Variants in PTPRD observed in about 807,000 individuals in gnomAD.
The protein encoded by PTPRD is protein tyrosine phosphatase receptor type D.
In PTPRD, 34 loss-of-function variants were observed where a neutral mutation model predicts 214.5. The ratio of observed to expected loss-of-function variants is 0.16; its 90% confidence interval spans 0.12 to 0.21. The LOEUF (loss-of-function observed/expected upper bound fraction) is 0.21. Among genes scored for constraint, PTPRD ranks in the 10% least tolerant of loss-of-function variants. PTPRD has a pLI of 1.00. For missense variants in PTPRD, 2,545 were observed against 2,398.7 expected, an observed-to-expected ratio of 1.06 and a Z score of -1.27; for synonymous variants, 1,128 against 845.7, an observed-to-expected ratio of 1.33 and a Z score of -5.79.
rs115335333 is a variant in PTPRD, at chr9:9,569,035, T to G, written c.-237+5697A>C. ...CACTGGGGAAAGTCAGTTGAGAAAA[T>G]GCACTATGCCCACTTTCTCATTTTG... On this transcript the variant is annotated intron_variant, in intron 8 of 45. Coordinates refer to ENST00000381196, the MANE Select transcript of PTPRD (RefSeq NM_002839.4). Among the ~76,000 whole-genome samples the G allele has an allele frequency of 8.1e-3, 1,224 of 151,808 alleles. 14 individuals are homozygous for G. The highest frequency in any genetic ancestry group is 0.028 in the African/African-American group (1,173 of 41,464).
intron 2 of PTPRD, among the ~76,000 whole-genome samples, chr9:10,364,428 G>T (rs2097472361): frequency 6.6e-6 from 1 of 152,038 alleles, no homozygotes; most frequent in Admixed American, 6.6e-5. Flanking sequence ...TAACAGCCCT[G>T]ACTTCACCAC....
chr9:8,380,446 A>C (rs2084676620), intron 37 of PTPRD, among the ~76,000 whole-genome samples: 1 of 152,206 alleles, frequency 6.6e-6, no homozygotes, highest in Non-Finnish European at 1.5e-5. Context: ...AACATCACCC[A>C]GTAACTTTAC....
chr9:10,548,545 C>T (rs2060635641), intron 2 of PTPRD, among the ~76,000 whole-genome samples: 1 of 152,096 alleles, frequency 6.6e-6, no homozygotes, highest in African/African-American at 2.4e-5. Flanking sequence ...ATCTGAAAGA[C>T]CTAAAAATAC....
At chr9:9,474,112 T>C (rs997328200) in intron 8 of PTPRD, among the ~76,000 whole-genome samples, 1 of 152,096 alleles carries the variant, frequency 6.6e-6, no homozygotes, top group Non-Finnish European at 1.5e-5. Context: ...TAAGTCTTTA[T>C]GCATTTTCAG....
Position 9,773,936 on chromosome 9 carries a change from ATAT to A in PTPRD, c.-367-7088_-367-7086del, listed in dbSNP as rs546315257. ...ATCTTTAAATTATTTTTCCACCATA[ATAT>A]TATATTGCCTGTACAGGCAATGTCA... On this transcript the variant is annotated intron_variant, in intron 5 of 45. Transcript: ENST00000381196. 2.8e-3 allele frequency among the ~76,000 whole-genome samples: 420 copies of A among 152,288 alleles called. 4 individuals carry two copies. Among genetic ancestry groups the A allele is most frequent in the African/African-American group, 9.7e-3 (403 of 41,556 alleles).
At chr9:9,772,450 T>A (rs1022785757) in intron 5 of PTPRD, among the ~76,000 whole-genome samples, 3 of 152,188 alleles carry the variant, frequency 2.0e-5, no homozygotes, top group Non-Finnish European at 4.4e-5. Flanking sequence ...AATTTTATCC[T>A]TAGTGTTCTT....
rs1357537241 is a variant in PTPRD, at chr9:8,774,361, C to T, written c.-103-40415G>A. ...AGAGAAAATCCTAAAACATGAAAGA[C>T]CTCAGTGCCTTCAGAAAGGGAGAAG... On this transcript the variant is annotated intron_variant, in intron 11 of 45. Transcript: ENST00000381196. Among the ~76,000 whole-genome samples the T allele has an allele frequency of 2.0e-5, 3 of 152,024 alleles. No individual in the cohort carries two copies. In the East Asian group the frequency reaches 5.8e-4, roughly 29 times the overall value.
At chr9:8,654,714 G>C (rs1394989395) in intron 12 of PTPRD, among the ~76,000 whole-genome samples, 1 of 152,038 alleles carries the variant, frequency 6.6e-6, no homozygotes. Context: ...AATTACCTAA[G>C]TGAAACAACC....
In PTPRD at chr9:8,557,745, TAAAAAAAAAAA is replaced by T. The variant is rs752836520; in HGVS notation, c.353-28977_353-28967del. 2.4e-4 allele frequency among the ~76,000 whole-genome samples: 11 copies of T among 46,768 alleles called. 1 individual carries two copies. The East Asian group carries it at 6.8e-3, about 29-fold the overall frequency. The allele number at this position is 46,768 out of a possible 152,430, so 30.7% of individuals were successfully genotyped here. ...GTGACAGAGCGAGACTGTCTCTCAA[TAAAAAAAAAAA>T]AAAAAAAAAAAGAAAAACAAAATAC... On this transcript the variant is annotated intron_variant, in intron 14 of 45. Coordinates refer to ENST00000381196, the MANE Select transcript of PTPRD (RefSeq NM_002839.4).
chr9:8,598,455 T>C (rs1381128325), intron 14 of PTPRD, among the ~76,000 whole-genome samples: 2 of 147,018 alleles, frequency 1.4e-5, no homozygotes, highest in African/African-American at 2.7e-5. Context: ...AACAAGACTG[T>C]CTCAAAAAAA....
rs945202552 is a variant in PTPRD at position 8,848,074 on chromosome 9, C to A, written c.-103-114128G>T. ...AGAACTATTCTTGGTGGAAATATTT[C>A]ATTTAAACACTTCTGCTCCAGGACT... On this transcript the variant is annotated intron_variant, in intron 11 of 45. Coordinates refer to ENST00000381196, the MANE Select transcript of PTPRD (RefSeq NM_002839.4). Among the ~76,000 whole-genome samples the A allele has an allele frequency of 3.4e-4, 52 of 152,100 alleles. 1 individual carries two copies. The highest frequency in any genetic ancestry group is 7.9e-4 in the Admixed American group (12 of 15,270).
intron 2 of PTPRD, among the ~76,000 whole-genome samples, chr9:10,532,982 T>G (rs1008434075): frequency 6.6e-6 from 1 of 152,072 alleles, no homozygotes; most frequent in Admixed American, 6.6e-5. Flanking sequence ...AGGAAGGCAT[T>G]TGGATCATAA....
intron 21 of PTPRD, among the ~76,000 whole-genome samples, chr9:8,516,025 G>A (rs980581538): frequency 6.6e-6 from 1 of 152,146 alleles, no homozygotes; most frequent in Non-Finnish European, 1.5e-5. Context: ...ACCAGGGATT[G>A]AAAAAATAAT....
intron 7 of PTPRD, among the ~76,000 whole-genome samples, chr9:9,710,978 G>C (rs902482720): frequency 1.5e-4 from 22 of 148,612 alleles, no homozygotes; most frequent in African/African-American, 5.4e-4. Flanking sequence ...GAGAGAGCGT[G>C]TGTGTGTGTG....
chr9:8,825,501 C>G (rs2097157567), intron 11 of PTPRD, among the ~76,000 whole-genome samples: 1 of 152,020 alleles, frequency 6.6e-6, no homozygotes, highest in African/African-American at 2.4e-5. Context: ...GTACACTTAA[C>G]TGTTAAAAGC....
chr9:9,059,855 A>G (rs1212773110), intron 10 of PTPRD, among the ~76,000 whole-genome samples: 1 of 152,190 alleles, frequency 6.6e-6, no homozygotes, highest in African/African-American at 2.4e-5. Context: ...AAAAATGTAT[A>G]GGACCCCTAC....
rs1291585862 is a variant in PTPRD at position 9,613,131 on chromosome 9, CATACATATATATATATATATAT to C, written c.-286-38372_-286-38351del. ...TAATAGCTAGGCTGCAGTATACATA[CATACATATATATATATATATAT>C]ATATATATATATATATATATGATTG... is the stretch of plus-strand genomic sequence containing the variant. On this transcript the variant is annotated intron_variant, in intron 7 of 45. Coordinates refer to ENST00000381196, the MANE Select transcript of PTPRD (RefSeq NM_002839.4). Among the ~76,000 whole-genome samples, 228 of 40,902 alleles carry C rather than the reference CATACATATATATATATATATAT, an allele frequency of 5.6e-3. 6 individuals are homozygous for C. Among genetic ancestry groups the C allele is most frequent in the African/African-American group, 0.017 (201 of 11,620 alleles). 26.8% of individuals were successfully genotyped at this position (40,902 alleles called of 152,430 possible).
At chr9:9,371,220 C>T (rs1168610541) in intron 9 of PTPRD, among the ~76,000 whole-genome samples, 8 of 152,162 alleles carry the variant, frequency 5.3e-5, no homozygotes, top group East Asian at 3.9e-4. Context: ...TGGTAGAATT[C>T]GGCTGTGAAT....
chr9:10,460,931 A>T (rs2098953713), intron 2 of PTPRD, among the ~76,000 whole-genome samples: 1 of 152,166 alleles, frequency 6.6e-6, no homozygotes, highest in African/African-American at 2.4e-5. Context: ...GCAAAAGAAA[A>T]AATCAACAAA....
Sources: gnomAD v4.1 joint callset for allele counts (sites outside exome capture counted in the v4.1 genomes callset) on GRCh38, gnomAD v4.1.1 for gene constraint, MANE v1.5 for transcripts, NCBI Gene and HGNC (gene_info 2026-07-23, HGNC 2026-07-21) for gene names.